The following XDH variants were observed in gnomAD, a reference collection of about 807,000 sequenced individuals.
XDH encodes xanthine dehydrogenase.
Under a neutral mutation model 156.1 loss-of-function variants are expected in XDH, and 138 were observed. The observed-to-expected ratio is 0.88, with a 90% confidence interval of 0.77 to 1.02. XDH has a LOEUF of 1.02. Ranked by LOEUF, XDH falls within the 50% of genes least tolerant of loss-of-function variation. The probability of loss-of-function intolerance (pLI) is 0.00; values close to 1 mark genes in which losing one functional copy is unlikely to be tolerated. For missense variants in XDH, 1,849 were observed against 1,684.9 expected, an observed-to-expected ratio of 1.10 and a Z score of -1.71; for synonymous variants, 669 against 625.7, an observed-to-expected ratio of 1.07 and a Z score of -1.03.
At chr2:31,364,371 GA>G (rs952476591) in intron 23 of XDH, 127 bp from the exon 24 acceptor site, 17 of 926,248 alleles carry the variant, frequency 1.8e-5, no homozygotes, top group Non-Finnish European at 2.4e-5. Context: ...ATCATCCCGT[GA>G]AAAAAAGGTG....
intron 4 of XDH, 34 bp from the exon 5 acceptor site, chr2:31,398,733 G>T (rs1450949764): frequency 6.2e-7 from 1 of 1,611,882 alleles, no homozygotes; most frequent in African/African-American, 1.3e-5. Flanking sequence ...CACCTGGGAT[G>T]GCAGAACCCT....
intron 29 of XDH, among the ~76,000 whole-genome samples, chr2:31,347,155 C>T (rs1282890270): frequency 1.3e-5 from 2 of 152,118 alleles, no homozygotes; most frequent in Admixed American, 1.3e-4. Context: ...TTGATTATAT[C>T]CCCCATATGG....
At chr2:31,382,659 T>TA (rs45483497) in intron 11 of XDH, among the ~76,000 whole-genome samples, 2,900 of 152,336 alleles carry the variant, frequency 0.019, 35 homozygotes, top group Middle Eastern at 0.048. Flanking sequence ...GTTCACCTAC[T>TA]GTTTGGCTCA....
intron 32 of XDH, 52 bp downstream of exon 32, chr2:31,342,131 G>A (rs2148750317): frequency 6.6e-7 from 1 of 1,509,466 alleles, no homozygotes; most frequent in South Asian, 1.1e-5. Context: ...TTACAACTCA[G>A]TTGTTTCTCT....
chr2:31,403,124 G>A lies in XDH; in HGVS notation c.121C>T (p.Leu41Phe). 1 of 1,614,172 alleles carries A rather than the reference G, an allele frequency of 6.2e-7. No individual in the cohort carries two copies. The highest frequency in any genetic ancestry group is 8.5e-7 in the Non-Finnish European group (1 of 1,180,022). ...CCGCAGCCCCCCTCTCCACAGCCGA[G>A]CTTGGTTCCACTCAGCCCCACTGGG... ...RRKLGLSGTK[L>F]GCGEGGCGAC... Residue 41 changes from leucine (L) to phenylalanine (F), a missense_variant, in exon 3 of 36, where the codon CTC becomes TTC. Coordinates refer to ENST00000379416, the MANE Select transcript of XDH (RefSeq NM_000379.4).
intron 32 of XDH, 102 bp from the exon 33 acceptor site, chr2:31,341,496 G>A (rs1299859268): frequency 1.6e-6 from 2 of 1,225,986 alleles, no homozygotes; most frequent in East Asian, 5.1e-5. Flanking sequence ...GCCAACCAAA[G>A]AGTACGTTCC....
At chr2:31,343,311 T>TATATATATATATATATGCATGTTTATAC (rs1558675316) in intron 31 of XDH, among the ~76,000 whole-genome samples, 41 of 86,136 alleles carry the variant, frequency 4.8e-4, no homozygotes, top group African/African-American at 2.2e-3. Flanking sequence ...TATATATATA[T>TATATATATATATATATGCATGTTTATAC]ATATATATAT....
rs745894059 is a variant in XDH, at chr2:31,348,322, C to T, written c.3093G>A (p.Leu1031=). The T allele has an allele frequency of 6.2e-7, 1 of 1,614,182 alleles. No homozygotes were observed. The highest frequency in any genetic ancestry group is 1.1e-5 in the South Asian group (1 of 91,086). ...CCATCTCAGTCCCCCCGTGGGTCAG[C>T]AGCACAGAGCCATCTGTGTACACAT... The part of the protein sequence containing the change: ...LLHVYTDGSV[L]LTHGGTEMGQ... Residue 1031 remains leucine, a synonymous_variant, in exon 28 of 36, where the codon CTG becomes CTA. Coordinates refer to ENST00000379416, the MANE Select transcript of XDH (RefSeq NM_000379.4).
At chr2:31,411,239 C>T (rs1687333618) in intron 1 of XDH, among the ~76,000 whole-genome samples, 1 of 150,736 alleles carries the variant, frequency 6.6e-6, no homozygotes, top group Admixed American at 6.6e-5. Context: ...CGAGATCGCG[C>T]CACTGCACTC....
chr2:31,377,209 G>A lies in XDH; in HGVS notation c.1271C>T (p.Ala424Val). The change falls in exon 14 of 36, where the codon GCC becomes GTC. Residue 424 changes from alanine to valine, a missense_variant. By Grantham distance (64) the Ala-to-Val change is moderately conservative. Coordinates refer to ENST00000379416, the MANE Select transcript of XDH (RefSeq NM_000379.4). ...EGEYFSAFKQASRREDDIAKV... is the reference protein window; with the variant it reads ...EGEYFSAFKQVSRREDDIAKV... ...GGCAATGTCATCTTCTCTCCGGGAG[G>A]CCTGCTTGAATGCTGAGAAATACTC... 6.2e-7 allele frequency: 1 copy of A among 1,614,108 alleles called. No individual in the cohort carries two copies. Among genetic ancestry groups the A allele is most frequent in the Non-Finnish European group, 8.5e-7 (1 of 1,180,024 alleles).
At chr2:31,402,409 C>T (rs1439076697) in intron 3 of XDH, among the ~76,000 whole-genome samples, 2 of 152,148 alleles carry the variant, frequency 1.3e-5, no homozygotes, top group Admixed American at 1.3e-4. Flanking sequence ...CTCAAATAAA[C>T]TGTAAAAATT....
At position 31,401,559 on chromosome 2, in the gene XDH, T is replaced by G. The variant is rs899913817; in HGVS notation, c.198-231A>C. Among the ~76,000 whole-genome samples, 5 of 152,290 alleles carry G rather than the reference T, an allele frequency of 3.3e-5. No homozygotes were observed. The South Asian group carries it at 1.0e-3, about 32-fold the overall frequency. The stretch of plus-strand genomic sequence containing the variant: ...TGAGCCCCTCCAGAGTACTGTGGGA[T>G]CAGGCATCAGAGCATCCTCAGCCTC... On this transcript the variant is annotated intron_variant, in intron 3 of 35. Transcript: ENST00000379416.
chr2:31,341,921 CAG>C (rs1363295268), intron 32 of XDH, among the ~76,000 whole-genome samples: 1 of 152,196 alleles, frequency 6.6e-6, no homozygotes, highest in African/African-American at 2.4e-5. Context: ...TTTATTGGAA[CAG>C]AGTCACACTT....
At chr2:31,374,929 G>T (rs1039994517) in intron 15 of XDH, among the ~76,000 whole-genome samples, 1 of 151,480 alleles carries the variant, frequency 6.6e-6, no homozygotes, top group African/African-American at 2.4e-5. Flanking sequence ...GGCTATTGCA[G>T]CCCCACCTGA....
At chr2:31,391,996 G>T (rs572661859) in intron 6 of XDH, among the ~76,000 whole-genome samples, 11 of 152,244 alleles carry the variant, frequency 7.2e-5, no homozygotes, top group Admixed American at 6.5e-4. Context: ...ATAGTTATAG[G>T]CCTATTCAGA....
At chr2:31,364,076 C>T in intron 24 of XDH, 82 bp downstream of exon 24, 1 of 1,339,986 alleles carries the variant, frequency 7.5e-7, no homozygotes, top group Non-Finnish European at 1.1e-6. Flanking sequence ...CAAGCAGGGA[C>T]TGGGGAGGCC....
intron 33 of XDH, 100 bp from the exon 34 acceptor site, chr2:31,339,777 C>T (rs2148748678): frequency 1.3e-6 from 2 of 1,485,542 alleles, no homozygotes; most frequent in East Asian, 4.8e-5. Flanking sequence ...GCAGCGCGGC[C>T]TGGAATGTAG....
rs1289553546 is a variant in XDH, at chr2:31,380,370, T to TTGTA, written c.1133-398_1133-395dup. On this transcript the variant is annotated intron_variant, in intron 12 of 35. Coordinates refer to ENST00000379416, the MANE Select transcript of XDH (RefSeq NM_000379.4). ...GCTTACAAGGCTGGCCCTTGGGAAC[T>TTGTA]TGTACTTCAGAAGGGTTCCCAGTGC... Among the ~76,000 whole-genome samples the TTGTA allele has an allele frequency of 2.0e-5, 3 of 152,338 alleles. No homozygotes were observed. The East Asian group carries it at 5.8e-4, about 29-fold the overall frequency.
chr2:31,378,631 G>T (rs1686345714), intron 13 of XDH, among the ~76,000 whole-genome samples: 1 of 152,050 alleles, frequency 6.6e-6, no homozygotes, highest in Non-Finnish European at 1.5e-5. Context: ...GAGGTCCCAG[G>T]TGCTCACTCC....
Sources: gnomAD v4.1 joint callset for allele counts (sites outside exome capture counted in the v4.1 genomes callset) on GRCh38, gnomAD v4.1.1 for gene constraint, MANE v1.5 for transcripts, NCBI Gene and HGNC (gene_info 2026-07-23, HGNC 2026-07-21) for gene names.